Variants in PLAAT1 observed in about 807,000 individuals in gnomAD.
The protein encoded by PLAAT1 is H-REV107 protein-related protein.
PLAAT1 carries 13 observed loss-of-function variants against 16.4 expected under a neutral mutation model. That is an observed-to-expected ratio of 0.79 (90% CI 0.52 to 1.26). The LOEUF (loss-of-function observed/expected upper bound fraction) is 1.26, where lower values mean the gene tolerates loss of function less well. Among genes scored for constraint, PLAAT1 ranks in the 50% most tolerant of loss-of-function variants. PLAAT1 has a pLI of 0.00. For missense variants in PLAAT1, 218 were observed against 207.8 expected (o/e 1.05, Z -0.30); for synonymous variants, 73 against 78.4 (o/e 0.93, Z 0.36).
intron 1 of PLAAT1, among the ~76,000 whole-genome samples, chr3:193,245,325 G>T (rs191710579): frequency 1.7e-4 from 26 of 152,170 alleles, no homozygotes; most frequent in Non-Finnish European, 3.4e-4. Context: ...ATTTCACTTA[G>T]CACAGTGTTC....
At chr3:193,241,945 A>G (rs532230808) in intron 1 of PLAAT1, among the ~76,000 whole-genome samples, 36 of 152,278 alleles carry the variant, frequency 2.4e-4, no homozygotes, top group African/African-American at 3.9e-4. Context: ...CCTTCATTCA[A>G]TGAACATTTG....
rs141586294 is a variant in PLAAT1 at position 193,277,168 on chromosome 3, A to T, written c.*60-468A>T. On this transcript the variant is annotated intron_variant and NMD_transcript_variant, in intron 2 of 2. Transcript: ENST00000416012. The stretch of plus-strand genomic sequence containing the variant: ...TTATCTTTTCAAACAGAAGGCTAAG[A>T]TTAAATCATTCATCAAATAATGTTA... Among the ~76,000 whole-genome samples, 578 of 152,336 alleles carry T rather than the reference A, an allele frequency of 3.8e-3. 1 individual carries two copies. Among genetic ancestry groups the T allele is most frequent in the Non-Finnish European group, 5.9e-3 (401 of 68,032 alleles).
chr3:193,252,811 T>C (rs1486111519), intron 1 of PLAAT1, among the ~76,000 whole-genome samples: 2 of 152,210 alleles, frequency 1.3e-5, no homozygotes, highest in Non-Finnish European at 2.9e-5. Context: ...ATCTTTTATA[T>C]AATAGTGTAT....
chr3:193,280,470 A>G (rs973981816), downstream of PLAAT1, among the ~76,000 whole-genome samples: 7 of 152,222 alleles, frequency 4.6e-5, no homozygotes, highest in African/African-American at 1.7e-4. Context: ...TAATTCATGT[A>G]TCAACTGGAC....
In PLAAT1 at chr3:193,249,564, C is replaced by T. The variant is rs79300583; in HGVS notation, c.1-6087C>T. ...ATCTATCAGTGACATTAAATGAGGA[C>T]TTGCTATATGTCTTTGAATATATTT... On this transcript the variant is annotated intron_variant, in intron 1 of 3. Transcript: ENST00000264735. Among the ~76,000 whole-genome samples the T allele has an allele frequency of 6.7e-3, 1,027 of 152,194 alleles. 37 individuals carry two copies. The highest frequency in any genetic ancestry group is 0.048 in the East Asian group (249 of 5,170).
At chr3:193,241,663 A>T (rs1021524706) in intron 1 of PLAAT1, 130 bp downstream of exon 1, 14 of 576,976 alleles carry the variant, frequency 2.4e-5, no homozygotes, top group Non-Finnish European at 3.1e-5. Context: ...TCTTTTTCAC[A>T]GACTGGGGAA....
At chr3:193,275,532 T>A (rs1717155410), downstream of PLAAT1, among the ~76,000 whole-genome samples, 1 of 152,176 alleles carries the variant, frequency 6.6e-6, no homozygotes. Flanking sequence ...TTTCACACAT[T>A]TCCTGGTTAA....
chr3:193,280,114 G>A (rs139101525), downstream of PLAAT1, among the ~76,000 whole-genome samples: 871 of 150,884 alleles, frequency 5.8e-3, 7 homozygotes, highest in African/African-American at 0.021. Context: ...GCAGTGGCAC[G>A]ATCTTGGCTC....
At chr3:193,250,082 A>G (rs949772397) in intron 1 of PLAAT1, among the ~76,000 whole-genome samples, 1 of 152,150 alleles carries the variant, frequency 6.6e-6, no homozygotes, top group African/African-American at 2.4e-5. Flanking sequence ...TGCACATTAG[A>G]TAAAAGAACC....
At chr3:193,243,526 T>C (rs1170111371) in intron 1 of PLAAT1, among the ~76,000 whole-genome samples, 1 of 152,240 alleles carries the variant, frequency 6.6e-6, no homozygotes, top group African/African-American at 2.4e-5. Flanking sequence ...ATATGAAATA[T>C]GTATTTGCAT....
upstream of PLAAT1, among the ~76,000 whole-genome samples, chr3:193,240,948 G>A (rs931707453): frequency 6.6e-6 from 1 of 152,158 alleles, no homozygotes; most frequent in East Asian, 1.9e-4. Flanking sequence ...GCGGCGCCTA[G>A]CACAGCGCCT....
At chr3:193,241,640 T>G (rs1402738953) in intron 1 of PLAAT1, 107 bp downstream of exon 1, 1 of 730,448 alleles carries the variant, frequency 1.4e-6, no homozygotes, top group Non-Finnish European at 1.9e-6. Context: ...ACAACGGAGC[T>G]TATCCACCCT....
chr3:193,244,831 A>G (rs971568939), intron 1 of PLAAT1, among the ~76,000 whole-genome samples: 5 of 152,026 alleles, frequency 3.3e-5, no homozygotes, highest in African/African-American at 1.2e-4. Flanking sequence ...TCCCATGATA[A>G]TCCTTTAATC....
At position 193,261,267 on chromosome 3, in the gene PLAAT1, C is replaced by T. The variant is rs762658986; in HGVS notation, c.140-1703C>T. 5.7e-4 allele frequency among the ~76,000 whole-genome samples: 86 copies of T among 151,756 alleles called. 6 individuals are homozygous for T. The highest frequency in any genetic ancestry group is 1.6e-4 in the Non-Finnish European group (11 of 67,988). On this transcript the variant is annotated intron_variant, in intron 2 of 3. Transcript: ENST00000264735. ...CCTGCAATTCTAGCTACTCAGGAGG[C>T]TGAGGCAGGAGAATCACTTGAGCCT...
At chr3:193,245,090 C>A (rs1168976650) in intron 1 of PLAAT1, among the ~76,000 whole-genome samples, 4 of 152,290 alleles carry the variant, frequency 2.6e-5, no homozygotes, top group South Asian at 4.2e-4. Flanking sequence ...TTGAAATATG[C>A]AGTACATTAT....
At chr3:193,266,852 C>G (rs950531201) in intron 3 of PLAAT1, among the ~76,000 whole-genome samples, 10 of 151,462 alleles carry the variant, frequency 6.6e-5, no homozygotes, top group Admixed American at 1.3e-4. Context: ...AGTATTACTA[C>G]TAATAATAGC....
chr3:193,252,280 A>T (rs1432638334), intron 1 of PLAAT1, among the ~76,000 whole-genome samples: 1 of 152,140 alleles, frequency 6.6e-6, no homozygotes, highest in African/African-American at 2.4e-5. Context: ...TTCATGAGGG[A>T]TCCACTCCCA....
At chr3:193,240,854 T>C (rs951959493), upstream of PLAAT1, among the ~76,000 whole-genome samples, 1 of 152,096 alleles carries the variant, frequency 6.6e-6, no homozygotes, top group Non-Finnish European at 1.5e-5. Context: ...AAGGGAATTT[T>C]TGTTAGGCTA....
At chr3:193,260,738 A>G (rs1385482291) in intron 2 of PLAAT1, among the ~76,000 whole-genome samples, 1 of 152,194 alleles carries the variant, frequency 6.6e-6, no homozygotes, top group Non-Finnish European at 1.5e-5. Flanking sequence ...ATGTTTATAC[A>G]CTGTTGGTGG....
Sources: gnomAD v4.1 joint callset for allele counts (sites outside exome capture counted in the v4.1 genomes callset) on GRCh38, gnomAD v4.1.1 for gene constraint, MANE v1.5 for transcripts, NCBI Gene and HGNC (gene_info 2026-07-23, HGNC 2026-07-21) for gene names.